MYOM2: variants seen among roughly 807,000 people sequenced by gnomAD.
The protein encoded by MYOM2 is myomesin 2.
A neutral mutation model predicts 187.6 loss-of-function variants in MYOM2; 254 were observed. The observed-to-expected ratio is 1.35, with a 90% CI of 1.22 to 1.50. The LOEUF is 1.50. Ranked by LOEUF, MYOM2 falls within the 40% of genes most tolerant of loss-of-function variation. The probability of loss-of-function intolerance (pLI) is 0.00; values close to 1 mark genes in which losing one functional copy is unlikely to be tolerated. For synonymous variants in MYOM2, 981 were observed against 753.8 expected (o/e 1.30, Z -4.94); for missense variants, 2,796 against 1,924.0 (o/e 1.45, Z -8.48).
chr8:2,085,470 T>TCTGCGTGGCCTCCCACA, intron 14 of MYOM2, 80 bp downstream of exon 14: 1 of 1,512,592 alleles, frequency 6.6e-7, no homozygotes, highest in Non-Finnish European at 8.9e-7. Flanking sequence ...GGCCCACCGC[T>TCTGCGTGGCCTCCCACA]GTCGTGATCT....
Position 2,102,726 on chromosome 8 carries a change from T to G in MYOM2, c.2679T>G (p.Asn893Lys), listed in dbSNP as rs555727295. 6.2e-7 allele frequency: 1 copy of G among 1,614,132 alleles called. No homozygotes were observed. The highest frequency in any genetic ancestry group is 2.2e-5 in the East Asian group (1 of 44,894). Residue 893 changes from asparagine to lysine, a missense_variant, in exon 21 of 37, where the codon AAT (asparagine) becomes AAG (lysine). Physicochemically the swap from Asn to Lys is moderately conservative, Grantham distance 94. Transcript: ENST00000262113. The stretch of plus-strand genomic sequence containing the variant: ...TCAGGGTCCGGGCAGTCAATGCAAA[T>G]GGCGTGGGGAAGCCCTCAGACACGT... ...YVFRVRAVNA[N>K]GVGKPSDTSE... is the part of the protein sequence containing the mutation.
intron 19 of MYOM2, 109 bp from the exon 20 acceptor site, chr8:2,100,767 C>T: frequency 1.9e-6 from 2 of 1,032,630 alleles, no homozygotes; most frequent in Non-Finnish European, 2.9e-6. Context: ...TACGGATGGT[C>T]CTGGTGGGGG....
At chr8:2,115,118 A>C (rs534259386) in intron 25 of MYOM2, among the ~76,000 whole-genome samples, 3 of 151,868 alleles carry the variant, frequency 2.0e-5, no homozygotes, top group African/African-American at 4.8e-5. Flanking sequence ...AATTATCAAG[A>C]AGCACAAAAA....
At chr8:2,092,672 A>G in intron 16 of MYOM2, 152 bp downstream of exon 16, 1 of 737,332 alleles carries the variant, frequency 1.4e-6, no homozygotes, top group Non-Finnish European at 2.0e-6. Context: ...TATAATTTTA[A>G]AGTTTGACCA....
intron 12 of MYOM2, 55 bp downstream of exon 12, chr8:2,078,988 T>C (rs893382339): frequency 2.2e-5 from 35 of 1,560,444 alleles, no homozygotes; most frequent in Non-Finnish European, 2.8e-5. Flanking sequence ...GGCTGTTTTG[T>C]GTGTGATTTG....
At chr8:2,099,005 A>T in intron 19 of MYOM2, 22 bp downstream of exon 19, 1 of 1,582,844 alleles carries the variant, frequency 6.3e-7, no homozygotes, top group South Asian at 1.1e-5. Context: ...CCCCCAGGAC[A>T]CCCGCGTTCC....
In MYOM2 at chr8:2,123,353, C is replaced by T. The variant is rs1396736829; in HGVS notation, c.3555C>T (p.Leu1185=). ...LPNLERGICE[L]LIPKLSKKDH... Reference sequence around the variant, plus strand: ...ACCTGGAGAGGGGAATCTGTGAGCTCCTCATCCCAAAGGTATCAGGCATTG... The same window carrying T: ...ACCTGGAGAGGGGAATCTGTGAGCTTCTCATCCCAAAGGTATCAGGCATTG... The change falls in exon 29 of 37, where the codon CTC becomes CTT. Residue 1185 remains leucine, a synonymous_variant. Transcript: ENST00000262113. 3.1e-6 allele frequency: 5 copies of T among 1,610,652 alleles called. No individual in the cohort carries two copies. Among genetic ancestry groups the T allele is most frequent in the Non-Finnish European group, 4.2e-6 (5 of 1,178,632 alleles).
chr8:2,129,517 C>G (rs1279085320), intron 32 of MYOM2, among the ~76,000 whole-genome samples: 1 of 152,178 alleles, frequency 6.6e-6, no homozygotes, highest in Non-Finnish European at 1.5e-5. Flanking sequence ...CACAGATTTT[C>G]TCTGGAAGCG....
At chr8:2,101,084 G>T in intron 20 of MYOM2, 30 bp downstream of exon 20, 2 of 1,609,796 alleles carry the variant, frequency 1.2e-6, no homozygotes, top group South Asian at 1.1e-5. Context: ...GGTGGCTCAT[G>T]CCTGTAATCC....
Position 2,086,335 on chromosome 8 carries a change from C to A in MYOM2, c.1644+945C>A, listed in dbSNP as rs1448514049. Among the ~76,000 whole-genome samples, 20 of 81,786 alleles carry A rather than the reference C, an allele frequency of 2.4e-4. 2 individuals carry two copies. The East Asian group carries it at 3.7e-3, about 15-fold the overall frequency. The allele number at this position is 81,786 out of a possible 152,430, so 53.7% of individuals were successfully genotyped here. On this transcript the variant is annotated intron_variant, in intron 14 of 36. Transcript: ENST00000262113. The stretch of plus-strand genomic sequence containing the variant: ...ACAGTCGTGATCTCTGCGTGGCCCC[C>A]CACTGTTGTGATCTCTGCGTGGCCT...
chr8:2,131,078 C>T (rs776225631), intron 32 of MYOM2, among the ~76,000 whole-genome samples: 2 of 152,146 alleles, frequency 1.3e-5, no homozygotes, highest in African/African-American at 2.4e-5. Context: ...ACAGGCCATG[C>T]GCTGTGCTGG....
chr8:2,064,594 C>T (rs998735467), intron 6 of MYOM2, among the ~76,000 whole-genome samples: 2 of 152,220 alleles, frequency 1.3e-5, no homozygotes, highest in African/African-American at 2.4e-5. Flanking sequence ...GCTCCTGCCT[C>T]TGAGCACCAA....
chr8:2,098,726 T>C, intron 18 of MYOM2, 131 bp from the exon 19 acceptor site: 1 of 1,001,222 alleles, frequency 1.0e-6, no homozygotes, highest in Non-Finnish European at 1.4e-6. Context: ...CTGAAATATT[T>C]GGTCCAATTT....
At position 2,098,979 on chromosome 8, in the gene MYOM2, G is replaced by A; in HGVS notation, c.2436G>A (p.Glu812=). The change falls in exon 19 of 37, where the codon GAG becomes GAA. Residue 812 remains glutamate, a synonymous_variant. Transcript: ENST00000262113. The part of the protein sequence containing the change: ...HFKCEAWTMP[E]PGPAYDLTFC... ...AGTGTGAGGCCTGGACCATGCCGGA[G>A]CCCGGTGAGTCGCTGCCCCCAGGAC... The A allele has an allele frequency of 6.2e-7, 1 of 1,603,032 alleles. No individual in the cohort carries two copies. Among genetic ancestry groups the A allele is most frequent in the South Asian group, 1.1e-5 (1 of 90,352 alleles).
At position 2,094,078 on chromosome 8, in the gene MYOM2, G is replaced by T. The variant is rs748598189; in HGVS notation, c.2112G>T (p.Val704=). Residue 704 remains valine, a synonymous_variant, in exon 17 of 37, where the codon GTG becomes GTT. Coordinates refer to ENST00000262113, the MANE Select transcript of MYOM2 (RefSeq NM_003970.4). ...ENSQESDVIK[V]QAALTVPSHP... is the part of the protein sequence containing the mutation. ...CCCAGGAATCAGACGTCATAAAAGT[G>T]CAGGCCGCACTCAGTAAGTCACTCA... 2 of 1,614,138 alleles carry T rather than the reference G, an allele frequency of 1.2e-6. No individual in the cohort carries two copies. Among genetic ancestry groups the T allele is most frequent in the South Asian group, 2.2e-5 (2 of 91,078 alleles).
intron 36 of MYOM2, among the ~76,000 whole-genome samples, 164 bp downstream of exon 36, chr8:2,143,620 G>T (rs1000401162): frequency 1.3e-5 from 2 of 152,048 alleles, no homozygotes; most frequent in South Asian, 2.1e-4. Context: ...CCTCCTAGAC[G>T]GCTTGGAATA....
intron 6 of MYOM2, among the ~76,000 whole-genome samples, chr8:2,063,018 C>CT (rs1174134033): frequency 6.6e-6 from 1 of 152,206 alleles, no homozygotes; most frequent in Non-Finnish European, 1.5e-5. Context: ...TAATATAGGT[C>CT]TCCTCTGATG....
chr8:2,101,581 G>A (rs1405198589), intron 20 of MYOM2, among the ~76,000 whole-genome samples: 2 of 152,180 alleles, frequency 1.3e-5, no homozygotes, highest in African/African-American at 4.8e-5. Flanking sequence ...TGAGGACGCA[G>A]AGCCCTCCTT....
intron 25 of MYOM2, among the ~76,000 whole-genome samples, chr8:2,115,637 C>T (rs572569390): frequency 8.9e-4 from 136 of 152,250 alleles, no homozygotes; most frequent in Middle Eastern, 3.4e-3. Flanking sequence ...ATATCAATTG[C>T]GTATCATTTT....
Sources: allele counts gnomAD v4.1 joint callset (sites outside exome capture counted in the v4.1 genomes callset), GRCh38; gene constraint gnomAD v4.1.1; transcripts MANE v1.5; gene names NCBI Gene and HGNC (gene_info 2026-07-23, HGNC 2026-07-21).